The following TRIM61 variants were observed in gnomAD, a reference collection of about 807,000 sequenced individuals.
The protein encoded by TRIM61 is tripartite motif containing 61.
In TRIM61, 1 loss-of-function variant was observed where a neutral mutation model predicts 14.2. That is an observed-to-expected ratio of 0.07 (90% CI 0.03 to 0.33). TRIM61 has a LOEUF of 0.33. Ranked by LOEUF, TRIM61 falls within the 10% of genes least tolerant of loss-of-function variation. The pLI, the probability that TRIM61 is intolerant of heterozygous loss-of-function variation, is 0.99. For synonymous variants in TRIM61, 8 were observed against 71.6 expected (o/e 0.11, Z 4.49); for missense variants, 19 against 202.2 (o/e 0.09, Z 5.49).
At chr4:164,960,554 C>CAA (rs70952670) in intron 3 of TRIM61, among the ~76,000 whole-genome samples, 3 of 127,768 alleles carry the variant, frequency 2.3e-5, no homozygotes, top group Admixed American at 7.6e-5. Context: ...GACTCTGTCT[C>CAA]AAAAAAAAAA....
intron 3 of TRIM61, among the ~76,000 whole-genome samples, chr4:164,956,468 G>A (rs949273238): frequency 6.6e-6 from 1 of 152,208 alleles, no homozygotes; most frequent in African/African-American, 2.4e-5. Context: ...TCTATCATTT[G>A]AATTAACAAT....
rs762554625 is a variant in TRIM61, at chr4:164,961,153, CAAAAAAAAAAAAAAAAAAAAAAAA to C, written c.526-6081_526-6058del. Among the ~76,000 whole-genome samples, 128 of 31,722 alleles carry C rather than the reference CAAAAAAAAAAAAAAAAAAAAAAAA, an allele frequency of 4.0e-3. 1 individual carries two copies. Among genetic ancestry groups the C allele is most frequent in the African/African-American group, 0.01 (96 of 9,468 alleles). The allele number at this position is 31,722 out of a possible 152,430, so 20.8% of individuals were successfully genotyped here. ...ATGACAGAAAATAAGAACTCTCAGG[CAAAAAAAAAAAAAAAAAAAAAAAA>C]AAAAAAAAAAAAAAAAGAAAGAAAA... On this transcript the variant is annotated intron_variant, in intron 3 of 4. Transcript: ENST00000329314.
At chr4:164,975,230 TAAAA>T (rs879503925) in intron 2 of TRIM61, among the ~76,000 whole-genome samples, 2 of 133,564 alleles carry the variant, frequency 1.5e-5, no homozygotes, top group African/African-American at 5.5e-5. Flanking sequence ...AACTCCATCT[TAAAA>T]AAAAAAAAAA....
intron 3 of TRIM61, chr4:164,957,365 T>A (rs1175497972): frequency 6.2e-7 from 1 of 1,614,024 alleles, no homozygotes; most frequent in Non-Finnish European, 8.5e-7. Flanking sequence ...GCCAGGCCAC[T>A]CCAAGTCAGA....
Position 164,976,758 on chromosome 4 carries a change from A to G in TRIM61, c.-408T>C, listed in dbSNP as rs73871553. ...CCACATCCCCAGTTTCTGACTCAGT[A>G]GGGCTGGTTTTTTCCTAAGTTCCCA... On this transcript the variant is annotated 5_prime_UTR_variant, in exon 2 of 5. Coordinates refer to ENST00000329314, the MANE Select transcript of TRIM61 (RefSeq NM_001012414.3). 1.3e-5 allele frequency: 2 copies of G among 152,306 alleles called. No homozygotes were observed. The highest frequency in any genetic ancestry group is 4.8e-5 in the African/African-American group (2 of 41,546). The allele number at this position is 152,306 out of a possible 1,614,324, so 9.4% of individuals were successfully genotyped here. A position where few individuals can be genotyped will look rare whatever the true frequency, so the allele number is the denominator to read the frequency against.
chr4:164,971,502 A>T (rs1384792062), intron 2 of TRIM61, among the ~76,000 whole-genome samples: 1 of 151,854 alleles, frequency 6.6e-6, no homozygotes, highest in Non-Finnish European at 1.5e-5. Flanking sequence ...GAGGCAGGAG[A>T]ATTGCTTGAA....
At chr4:164,962,962 A>G (rs1732168221) in intron 3 of TRIM61, among the ~76,000 whole-genome samples, 1 of 152,230 alleles carries the variant, frequency 6.6e-6, no homozygotes, top group Non-Finnish European at 1.5e-5. Flanking sequence ...TTTCATTTAA[A>G]GGAGGCCCCA....
Position 164,956,612 on chromosome 4 carries a change from T to C in TRIM61, c.526-1516A>G, listed in dbSNP as rs150922113. Among the ~76,000 whole-genome samples, 8 of 152,352 alleles carry C rather than the reference T, an allele frequency of 5.3e-5. No individual in the cohort carries two copies. In the East Asian group the frequency reaches 1.5e-3, roughly 29 times the overall value. On this transcript the variant is annotated intron_variant, in intron 3 of 4. Transcript: ENST00000329314. ...AATATCTCAATTATCATAGTGTTAC[T>C]GTAACTTTTAATAAGCTGTTCAGTG...
At chr4:164,957,052 C>T in intron 3 of TRIM61, 1 of 1,510,402 alleles carries the variant, frequency 6.6e-7, no homozygotes, top group Non-Finnish European at 8.9e-7. Context: ...GGCGGGGCAG[C>T]TGTCCTCTTC....
chr4:164,973,721 T>C (rs1732422184), intron 2 of TRIM61, among the ~76,000 whole-genome samples: 1 of 152,210 alleles, frequency 6.6e-6, no homozygotes, highest in Admixed American at 6.5e-5. Flanking sequence ...ATTTAACCCA[T>C]GTACAATAAA....
At chr4:164,965,148 C>A (rs1161180750) in intron 3 of TRIM61, among the ~76,000 whole-genome samples, 1 of 152,004 alleles carries the variant, frequency 6.6e-6, no homozygotes, top group African/African-American at 2.4e-5. Flanking sequence ...ATTGACCGGG[C>A]ACGGTGACGC....
At chr4:164,968,244 A>T in intron 3 of TRIM61, 37 bp downstream of exon 3, 1 of 980,406 alleles carries the variant, frequency 1.0e-6, no homozygotes, top group Non-Finnish European at 1.2e-6. Context: ...CCTTTAATAA[A>T]GACTTAATCT....
intron 3 of TRIM61, chr4:164,968,399 C>T: frequency 2.0e-6 from 2 of 983,708 alleles, no homozygotes; most frequent in Middle Eastern, 5.2e-4. Context: ...TCTAAAGTAC[C>T]TTGTCACTGA....
rs115336387 is a variant in TRIM61 at position 164,961,002 on chromosome 4, A to G, written c.526-5906T>C. Among the ~76,000 whole-genome samples, 537 of 152,036 alleles carry G rather than the reference A, an allele frequency of 3.5e-3. 8 individuals carry two copies. The highest frequency in any genetic ancestry group is 0.012 in the African/African-American group (506 of 41,480). The stretch of plus-strand genomic sequence containing the variant: ...TATTTACCTCAGTATATATTTTCCT[A>G]CACATGTCTGGTTTTTACAAAAGAA... On this transcript the variant is annotated intron_variant, in intron 3 of 4. Transcript: ENST00000329314.
chr4:164,973,530 T>C (rs1263147182), intron 2 of TRIM61, among the ~76,000 whole-genome samples: 1 of 152,212 alleles, frequency 6.6e-6, no homozygotes, highest in African/African-American at 2.4e-5. Context: ...AAATACAAAC[T>C]GAGAGCTAAC....
chr4:164,957,013 A>G lies in TRIM61; in HGVS notation c.526-1917T>C. On this transcript the variant is annotated intron_variant, in intron 3 of 4. Transcript: ENST00000329314. ...GTTGGAGACCGGGGCAGCGCCATGT[A>G]CCACAGTGGATGGAAGGATGCGCGG... The G allele has an allele frequency of 3.4e-6, 5 of 1,490,592 alleles. No homozygotes were observed. In the South Asian group the frequency reaches 5.5e-5, roughly 16 times the overall value. 92.3% of individuals were successfully genotyped at this position (1,490,592 alleles called of 1,614,324 possible).
chr4:164,974,249 C>G (rs968672936), intron 2 of TRIM61, among the ~76,000 whole-genome samples: 8 of 152,214 alleles, frequency 5.3e-5, no homozygotes, highest in Non-Finnish European at 7.3e-5. Context: ...TTAGTAAAGG[C>G]AGTAACTTCC....
At chr4:164,962,621 A>T (rs1015480369) in intron 3 of TRIM61, among the ~76,000 whole-genome samples, 1 of 151,926 alleles carries the variant, frequency 6.6e-6, no homozygotes, top group Non-Finnish European at 1.5e-5. Context: ...TATCAAAATC[A>T]ATGTCGAAAT....
intron 3 of TRIM61, among the ~76,000 whole-genome samples, chr4:164,965,802 A>T (rs34895033): frequency 6.9e-6 from 1 of 143,966 alleles, no homozygotes; most frequent in Non-Finnish European, 1.6e-5. Context: ...TTAAAAATAC[A>T]TAAGAGTGAA....
Sources: gnomAD v4.1 joint callset for allele counts (sites outside exome capture counted in the v4.1 genomes callset) on GRCh38, gnomAD v4.1.1 for gene constraint, MANE v1.5 for transcripts, NCBI Gene and HGNC (gene_info 2026-07-23, HGNC 2026-07-21) for gene names.